The following NLRC5 variants were observed in gnomAD, a reference collection of about 807,000 sequenced individuals.
NLRC5 encodes NLR family CARD domain containing 5.
A neutral mutation model predicts 206.9 loss-of-function variants in NLRC5; 114 were observed. The ratio of observed to expected loss-of-function variants is 0.55; its 90% CI spans 0.47 to 0.64. NLRC5 has a LOEUF of 0.64. Among genes scored for constraint, NLRC5 ranks in the 30% least tolerant of loss-of-function variants. The pLI is 0.00. For synonymous variants in NLRC5, 952 were observed against 962.8 expected (o/e 0.99, Z 0.21); for missense variants, 2,008 against 2,305.5 (o/e 0.87, Z 2.64).
At chr16:57,047,326 G>A (rs2064125321) in intron 22 of NLRC5, among the ~76,000 whole-genome samples, 1 of 152,084 alleles carries the variant, frequency 6.6e-6, no homozygotes, top group Non-Finnish European at 1.5e-5. Flanking sequence ...TCACTGACAA[G>A]GGCAGCTGGG....
intron 17 of NLRC5, among the ~76,000 whole-genome samples, chr16:57,041,051 C>G (rs145546591): frequency 0.01 from 1,593 of 152,268 alleles, 17 homozygotes; most frequent in Non-Finnish European, 0.016. Flanking sequence ...GATCCTGGTG[C>G]CTGGGCCTGG....
intron 21 of NLRC5, among the ~76,000 whole-genome samples, chr16:57,046,090 C>T (rs967624590): frequency 6.6e-6 from 1 of 152,172 alleles, no homozygotes; most frequent in Non-Finnish European, 1.5e-5. Flanking sequence ...AAGGCACTGC[C>T]GTACAGATGG....
rs1460771547 is a variant in NLRC5 at position 57,026,025 on chromosome 16, T to C, written c.1082T>C (p.Met361Thr). The change falls in exon 6 of 49, where the codon ATG becomes ACG. Residue 361 changes from methionine to threonine, a missense_variant. By Grantham distance (81) the Met-to-Thr change is moderately conservative. Coordinates refer to ENST00000688547, the MANE Select transcript of NLRC5 (RefSeq NM_001384950.1). ...LPACLPAEAAMVHMLGFDGPR... is the reference protein window; with the variant it reads ...LPACLPAEAATVHMLGFDGPR... ...GCCTGCCTGCCTGCAGAGGCAGCCA[T>C]GGTCCACATGTTGGGCTTTGATGGG... 1.2e-6 allele frequency: 2 copies of C among 1,613,918 alleles called. No individual in the cohort carries two copies. The highest frequency in any genetic ancestry group is 2.7e-5 in the African/African-American group (2 of 74,946).
rs542372450 is a variant in NLRC5, at chr16:57,082,849, C to T, written c.*321C>T. On this transcript the variant is annotated 3_prime_UTR_variant, in exon 49 of 49. Transcript: ENST00000688547. ...GGCAGTGTGACCCCTTGACATGTGG[C>T]GTTACATGAAAGTCAGTGTGGCACG... is the stretch of plus-strand genomic sequence containing the variant. 7 of 234,316 alleles carry T rather than the reference C, an allele frequency of 3.0e-5. No homozygotes were observed. Among genetic ancestry groups the T allele is most frequent in the East Asian group, 2.0e-4 (2 of 10,008 alleles). 14.5% of individuals were successfully genotyped at this position (234,316 alleles called of 1,614,324 possible). A position where few individuals can be genotyped will look rare whatever the true frequency, so the allele number is the denominator to read the frequency against.
intron 29 of NLRC5, 170 bp from the exon 30 acceptor site, chr16:57,059,293 TATTG>T (rs1190114040): frequency 3.3e-5 from 49 of 1,463,652 alleles, no homozygotes; most frequent in Non-Finnish European, 4.3e-5. Context: ...GAAGGCCAGG[TATTG>T]CCATGCTCAC....
At position 57,025,805 on chromosome 16, in the gene NLRC5, C is replaced by G; in HGVS notation, c.862C>G (p.His288Asp). ...TCTGTACCTGAGCCCTGAATCGGAC[C>G]ACGACACTGTCTTCCAGTACCTGGA... Reference protein sequence around the residue: ...FDLYLSPESDHDTVFQYLEKN... With the variant: ...FDLYLSPESDDDTVFQYLEKN... Residue 288 changes from histidine (H) to aspartate (D), a missense_variant, in exon 6 of 49, where the codon CAC (histidine) becomes GAC (aspartate). Physicochemically the swap from His to Asp is moderately conservative, Grantham distance 81. Transcript: ENST00000688547. 6.2e-7 allele frequency: 1 copy of G among 1,614,220 alleles called. No homozygotes were observed. Among genetic ancestry groups the G allele is most frequent in the Non-Finnish European group, 8.5e-7 (1 of 1,180,034 alleles).
chr16:57,058,972 T>A lies in NLRC5; in HGVS notation c.3831T>A (p.Asp1277Glu), dbSNP rs761464171. Reference protein sequence around the residue: ...LPQVPISGLLDLSHNSISQES... With the variant: ...LPQVPISGLLELSHNSISQES... ...ATTCTCATCTCCATTTCCCTTCTAG[T>A]CTGAGTCACAACAGCATTTCTCAGG... The change falls in exon 29 of 49, where the codon GAT becomes GAA. Residue 1277 changes from aspartate to glutamate, a missense_variant and splice_region_variant. By Grantham distance (45) the Asp-to-Glu change is conservative (BLOSUM62 2). Transcript: ENST00000688547. 12 of 1,613,980 alleles carry A rather than the reference T, an allele frequency of 7.4e-6. No individual in the cohort carries two copies. The Admixed American group carries it at 2.0e-4, about 27-fold the overall frequency.
rs146592330 is a variant in NLRC5, at chr16:57,025,636, C to T, written c.693C>T (p.Gly231=). 1.5e-5 allele frequency: 25 copies of T among 1,614,094 alleles called. No homozygotes were observed. The African/African-American group carries it at 3.3e-4, about 22-fold the overall frequency. Residue 231 remains glycine, a synonymous_variant, in exon 6 of 49, where the codon GGC becomes GGT. Transcript: ENST00000688547. ...TGACCGTGCTTTTGGGGAAGGCTGG[C>T]ATGGGCAAGACCACGCTGGCCCACC... ...PRVTVLLGKA[G]MGKTTLAHRL...
chr16:57,058,352 C>T (rs968998615), intron 28 of NLRC5: 5 of 570,728 alleles, frequency 8.8e-6, no homozygotes, highest in Middle Eastern at 4.2e-4. Context: ...TGGGCAGATC[C>T]TCCACCAAAC....
intron 23 of NLRC5, among the ~76,000 whole-genome samples, chr16:57,048,735 T>C (rs140343490): frequency 0.013 from 1,920 of 152,266 alleles, 18 homozygotes; most frequent in Non-Finnish European, 0.018. Flanking sequence ...GGTTTCACCA[T>C]GTTGGCCAGG....
intron 1 of NLRC5, among the ~76,000 whole-genome samples, chr16:57,002,436 C>A (rs1377118231): frequency 1.3e-5 from 2 of 152,140 alleles, no homozygotes; most frequent in African/African-American, 4.8e-5. Context: ...GCGTGAGCTG[C>A]CGTGCCCAGC....
intron 22 of NLRC5, among the ~76,000 whole-genome samples, chr16:57,047,025 C>T (rs1295921699): frequency 6.6e-6 from 1 of 152,230 alleles, no homozygotes; most frequent in Non-Finnish European, 1.5e-5. Context: ...CCATGAGAGG[C>T]TGTGAGACCC....
At chr16:57,055,634 C>T (rs1597380942) in intron 27 of NLRC5, 115 bp downstream of exon 27, 2 of 791,092 alleles carry the variant, frequency 2.5e-6, no homozygotes, top group Non-Finnish European at 4.3e-6. Context: ...GCCTACACCT[C>T]TCAGGACCAG....
In NLRC5 at chr16:57,043,410, C is replaced by T. The variant is rs942730071; in HGVS notation, c.3114-105C>T. 2.5e-4 allele frequency: 225 copies of T among 886,744 alleles called. 5 individuals are homozygous for T. In the South Asian group the frequency reaches 2.7e-3, roughly 11 times the overall value. 54.9% of individuals were successfully genotyped at this position (886,744 alleles called of 1,614,324 possible). On this transcript the variant is annotated intron_variant, in intron 19 of 48. Coordinates refer to ENST00000688547, the MANE Select transcript of NLRC5 (RefSeq NM_001384950.1). Reference sequence around the variant, plus strand: ...TGACCATCTTGGGTTCAGTGGGTTCCGTCATCTGGAACCAGGGATCCCTCC... The same window carrying T: ...TGACCATCTTGGGTTCAGTGGGTTCTGTCATCTGGAACCAGGGATCCCTCC...
chr16:56,993,483 C>T (rs1186453789), intron 1 of NLRC5, among the ~76,000 whole-genome samples: 2 of 152,024 alleles, frequency 1.3e-5, no homozygotes, highest in Non-Finnish European at 2.9e-5. Context: ...TTTAAGAAAA[C>T]CAGGAGTGGA....
chr16:57,026,144 A>G lies in NLRC5; in HGVS notation c.1201A>G (p.Ser401Gly). ...GTTACAGACAAATGGACGTCTCCGA[A>G]GCCTGTGTGCGGTGCCCGCACTGTG... The part of the protein sequence containing the change: ...VELQTNGRLR[S>G]LCAVPALCQV... Residue 401 changes from serine (S) to glycine (G), a missense_variant, in exon 6 of 49, where the codon AGC becomes GGC. Physicochemically the swap from Ser to Gly is moderately conservative, Grantham distance 56 (BLOSUM62 0). Transcript: ENST00000688547. 6.2e-7 allele frequency: 1 copy of G among 1,614,056 alleles called. No individual in the cohort carries two copies. Among genetic ancestry groups the G allele is most frequent in the Non-Finnish European group, 8.5e-7 (1 of 1,180,024 alleles).
intron 3 of NLRC5, among the ~76,000 whole-genome samples, chr16:57,021,857 C>T (rs1005318864): frequency 6.6e-6 from 1 of 152,168 alleles, no homozygotes; most frequent in African/African-American, 2.4e-5. Flanking sequence ...CACTTAAGAA[C>T]CCTACTTCAA....
At position 57,022,269 on chromosome 16, in the gene NLRC5, G is replaced by T; in HGVS notation, c.309G>T (p.Gln103His). The change falls in exon 4 of 49, where the codon CAG becomes CAT. Residue 103 changes from glutamine to histidine, a missense_variant. Gln to His is a conservative substitution (Grantham distance 24, BLOSUM62 0). Coordinates refer to ENST00000688547, the MANE Select transcript of NLRC5 (RefSeq NM_001384950.1). ...TFGYDDGFTS[Q>H]LGAEGKSQPE... ...CCTCTCTTGCAGGGTTCACCAGCCA[G>T]CTGGGAGCTGAGGGGAAAAGCCAAC... 6.2e-7 allele frequency: 1 copy of T among 1,612,072 alleles called. No individual in the cohort carries two copies. Among genetic ancestry groups the T allele is most frequent in the Non-Finnish European group, 8.5e-7 (1 of 1,178,318 alleles).
intron 1 of NLRC5, among the ~76,000 whole-genome samples, chr16:56,992,794 T>A (rs1459971802): frequency 6.6e-6 from 1 of 152,174 alleles, no homozygotes; most frequent in Non-Finnish European, 1.5e-5. Context: ...TTCATATTTT[T>A]AATGGACTTA....
Sources: gnomAD v4.1 joint callset for allele counts (sites outside exome capture counted in the v4.1 genomes callset) on GRCh38, gnomAD v4.1.1 for gene constraint, MANE v1.5 for transcripts, NCBI Gene and HGNC (gene_info 2026-07-23, HGNC 2026-07-21) for gene names.